KCNG3: variants seen among roughly 807,000 people sequenced by gnomAD.
KCNG3 encodes the protein potassium voltage-gated channel modifier subfamily G member 3.
Under a neutral mutation model 29.0 loss-of-function variants are expected in KCNG3, and 15 were observed. The observed-to-expected ratio is 0.52, with a 90% CI of 0.35 to 0.80. KCNG3 has a LOEUF of 0.80. Among genes scored for constraint, KCNG3 ranks in the 30% least tolerant of loss-of-function variants. KCNG3 has a pLI of 0.01. For missense variants in KCNG3, 512 were observed against 605.7 expected, an observed-to-expected ratio of 0.85 and a Z score of 1.62; for synonymous variants, 322 against 248.9, an observed-to-expected ratio of 1.29 and a Z score of -2.76.
intron 1 of KCNG3, among the ~76,000 whole-genome samples, chr2:42,481,846 T>C (rs777156426): frequency 2.6e-5 from 4 of 152,224 alleles, no homozygotes; most frequent in Non-Finnish European, 4.4e-5. Flanking sequence ...TATTCAGGCA[T>C]CACCTATCAC....
chr2:42,391,408 C>T, the KCNG3 span, among the ~76,000 whole-genome samples: 1 of 152,138 alleles, frequency 6.6e-6, no homozygotes, highest in African/African-American at 2.4e-5. Context: ...TTCTAGCTTG[C>T]AACAGCATCC....
chr2:42,446,035 G>A (rs1338043954), intron 1 of KCNG3, among the ~76,000 whole-genome samples: 1 of 151,828 alleles, frequency 6.6e-6, no homozygotes, highest in Non-Finnish European at 1.5e-5. Context: ...CCAACGGGTA[G>A]GATTCTTGAA....
chr2:42,483,620 T>TA (rs1673645413), intron 1 of KCNG3, among the ~76,000 whole-genome samples: 1 of 152,176 alleles, frequency 6.6e-6, no homozygotes, highest in South Asian at 2.1e-4. Flanking sequence ...TAATGAGACT[T>TA]AGACGACAAA....
rs1050453902 is a variant in KCNG3 at position 42,493,042 on chromosome 2, G to C, written c.460C>G (p.Leu154Val). The stretch of plus-strand genomic sequence containing the variant: ...TCGAAGGTCCGCCGCATGCGCTCCA[G>C]CCAGCGCCTGGAGGGAGCCGCCTCG... ...GAEAAPSRRW[L>V]ERMRRTFEEP... Residue 154 changes from leucine (L) to valine (V), a missense_variant, in exon 1 of 2, where the codon CTG becomes GTG. Around this residue, in one of 5 missense-constraint regions of KCNG3, gnomAD observed 228 missense variants for 200.0 expected, o/e 1.14. Coordinates refer to ENST00000306078, the MANE Select transcript of KCNG3 (RefSeq NM_133329.6). 6.6e-7 allele frequency: 1 copy of C among 1,520,358 alleles called. No individual in the cohort carries two copies. Among genetic ancestry groups the C allele is most frequent in the Non-Finnish European group, 8.8e-7 (1 of 1,139,028 alleles). 94.2% of individuals were successfully genotyped at this position (1,520,358 alleles called of 1,614,324 possible).
At chr2:42,390,366 C>T in the KCNG3 span, among the ~76,000 whole-genome samples, 2 of 152,120 alleles carry the variant, frequency 1.3e-5, no homozygotes, top group Admixed American at 1.3e-4. Context: ...ATGCAGATCC[C>T]AGGGAATGAT....
chr2:42,463,200 A>C (rs1673061504), intron 1 of KCNG3: 1 of 349,258 alleles, frequency 2.9e-6, no homozygotes, highest in African/African-American at 2.2e-5. Flanking sequence ...CTTGCCATCC[A>C]GCTGAGCTGA....
intron 1 of KCNG3, among the ~76,000 whole-genome samples, chr2:42,453,561 T>G (rs1672812948): frequency 6.6e-6 from 1 of 152,226 alleles, no homozygotes; most frequent in Non-Finnish European, 1.5e-5. Context: ...TTATTAGATT[T>G]TTTTTCCTAT....
rs1396280054 is a variant in KCNG3, at chr2:42,477,050, G to T, written c.665+15787C>A. On this transcript the variant is annotated intron_variant, in intron 1 of 1. Coordinates refer to ENST00000306078, the MANE Select transcript of KCNG3 (RefSeq NM_133329.6). ...AAATATAAAAAAAAAAAATTAGCCG[G>T]GCGTGGTGGCAGGCACCTGTAGTCC... 2.0e-5 allele frequency among the ~76,000 whole-genome samples: 3 copies of T among 150,680 alleles called. No individual in the cohort carries two copies. In the South Asian group the frequency reaches 6.3e-4, roughly 32 times the overall value.
At chr2:42,448,387 T>TTTA (rs1409752713) in intron 1 of KCNG3, among the ~76,000 whole-genome samples, 14 of 127,496 alleles carry the variant, frequency 1.1e-4, no homozygotes, top group African/African-American at 3.2e-4. Flanking sequence ...TTATTTATTT[T>TTTA]TTGTATGGCA....
chr2:42,451,122 T>C (rs959009626), intron 1 of KCNG3, among the ~76,000 whole-genome samples: 1 of 141,506 alleles, frequency 7.1e-6, no homozygotes, highest in African/African-American at 2.7e-5. Flanking sequence ...GGAGAACTGC[T>C]TGAACCTGAA....
intron 1 of KCNG3, among the ~76,000 whole-genome samples, chr2:42,457,627 T>TCTCACA (rs1553327818): frequency 1.0e-4 from 13 of 125,520 alleles, no homozygotes; most frequent in East Asian, 4.7e-4. Context: ...CAGGCAGATC[T>TCTCACA]CACACACACA....
At chr2:42,400,784 G>GT in the KCNG3 span, among the ~76,000 whole-genome samples, 157 of 149,080 alleles carry the variant, frequency 1.1e-3, no homozygotes, top group African/African-American at 2.6e-3. Flanking sequence ...GAAAAAATGG[G>GT]TTTTTTTTTT....
Position 42,443,322 on chromosome 2 carries a change from G to A in KCNG3, c.*612C>T, listed in dbSNP as rs897059485. 8.5e-5 allele frequency: 13 copies of A among 152,576 alleles called. No homozygotes were observed. Among genetic ancestry groups the A allele is most frequent in the African/African-American group, 2.2e-4 (9 of 41,430 alleles). 9.5% of individuals were successfully genotyped at this position (152,576 alleles called of 1,614,324 possible). On this transcript the variant is annotated 3_prime_UTR_variant, in exon 2 of 2. Transcript: ENST00000306078. ...TACTCAAGCTTCCATGAAGCGGCAC[G>A]ATAAGGTGAATAATTGGCACAAAAA...
At chr2:42,470,492 T>C (rs2103706550) in intron 1 of KCNG3, among the ~76,000 whole-genome samples, 1 of 152,240 alleles carries the variant, frequency 6.6e-6, no homozygotes, top group East Asian at 1.9e-4. Flanking sequence ...TAAGACCCTG[T>C]TTCTACAAAT....
At chr2:42,456,000 C>T (rs1672866370) in intron 1 of KCNG3, among the ~76,000 whole-genome samples, 1 of 149,716 alleles carries the variant, frequency 6.7e-6, no homozygotes, top group Admixed American at 6.7e-5. Context: ...AAATATAGTA[C>T]AATATCATAA....
the KCNG3 span, among the ~76,000 whole-genome samples, chr2:42,418,960 A>G: frequency 6.6e-6 from 1 of 152,142 alleles, no homozygotes; most frequent in Non-Finnish European, 1.5e-5. Context: ...ATTATTAGTA[A>G]TAACAGTCCT....
chr2:42,468,838 T>C (rs952003111), intron 1 of KCNG3, among the ~76,000 whole-genome samples: 2 of 150,098 alleles, frequency 1.3e-5, no homozygotes, highest in African/African-American at 4.9e-5. Flanking sequence ...ACCTGTAATC[T>C]CAACTACTCC....
At chr2:42,391,386 G>A in the KCNG3 span, among the ~76,000 whole-genome samples, 1 of 152,046 alleles carries the variant, frequency 6.6e-6, no homozygotes, top group Non-Finnish European at 1.5e-5. Context: ...CTCAAACTCT[G>A]CTTCCAGCAC....
At chr2:42,401,799 G>A in the KCNG3 span, among the ~76,000 whole-genome samples, 2 of 152,106 alleles carry the variant, frequency 1.3e-5, no homozygotes, top group Non-Finnish European at 2.9e-5. Flanking sequence ...CAGGACGACT[G>A]CTTGAACCCA....
Sources: gnomAD v4.1 joint callset for allele counts (sites outside exome capture counted in the v4.1 genomes callset) on GRCh38, gnomAD v4.1.1 for gene constraint, gnomAD v4.1.1 regional missense constraint, MANE v1.5 for transcripts, NCBI Gene and HGNC (gene_info 2026-07-23, HGNC 2026-07-21) for gene names.